Variants in VWF observed in about 807,000 individuals in gnomAD.
The protein encoded by VWF is von Willebrand factor, also known as Factor VIII related antigen.
Under a neutral mutation model 308.6 loss-of-function variants are expected in VWF, and 176 were observed. That is an observed-to-expected ratio of 0.57 (90% CI 0.50 to 0.65). VWF has a LOEUF of 0.65. Ranked by LOEUF, VWF falls within the 30% of genes least tolerant of loss-of-function variation. The pLI is 0.00. For synonymous variants in VWF, 1,385 were observed against 1,443.4 expected (o/e 0.96, Z 0.92); for missense variants, 3,146 against 3,648.2 (o/e 0.86, Z 3.55).
At chr12:6,096,925 T>G (rs1945110845) in intron 5 of VWF, among the ~76,000 whole-genome samples, 1 of 152,070 alleles carries the variant, frequency 6.6e-6, no homozygotes, top group Non-Finnish European at 1.5e-5. Context: ...GGAAGGAAAA[T>G]ATAAATGAGA....
At chr12:6,069,927 G>A (rs1248879403) in intron 10 of VWF, among the ~76,000 whole-genome samples, 1 of 152,132 alleles carries the variant, frequency 6.6e-6, no homozygotes, top group Non-Finnish European at 1.5e-5. Context: ...GATGATGGAC[G>A]GAAGATTCAC....
intron 18 of VWF, among the ~76,000 whole-genome samples, chr12:6,039,856 C>T (rs1260165011): frequency 1.3e-5 from 2 of 152,098 alleles, no homozygotes; most frequent in Non-Finnish European, 2.9e-5. Context: ...AGGGACATAA[C>T]CACACTTCTC....
chr12:6,021,645 A>G, intron 27 of VWF: 1 of 473,802 alleles, frequency 2.1e-6, no homozygotes, highest in Non-Finnish European at 3.7e-6. Flanking sequence ...AAAACCTATT[A>G]AGAGCAAAAA....
rs1945467638 is a variant in VWF, at chr12:6,124,605, G to A, written c.-185C>T. 1.3e-5 allele frequency: 2 copies of A among 152,364 alleles called. No homozygotes were observed. Among genetic ancestry groups the A allele is most frequent in the African/African-American group, 2.4e-5 (1 of 41,474 alleles). The allele number at this position is 152,364 out of a possible 1,614,324, so 9.4% of individuals were successfully genotyped here. Reference sequence around the variant, plus strand: ...GGCTGTGGAGTCCCCACTGCTGGGGGAGATAAAGCCCAAGCTGTGACATCC... The same window carrying A: ...GGCTGTGGAGTCCCCACTGCTGGGGAAGATAAAGCCCAAGCTGTGACATCC... On this transcript the variant is annotated 5_prime_UTR_variant, in exon 1 of 52. Transcript: ENST00000261405.
rs1216187051 is a variant in VWF, at chr12:6,074,486, C to A, written c.875-745G>T. 7.4e-5 allele frequency among the ~76,000 whole-genome samples: 8 copies of A among 108,304 alleles called. No homozygotes were observed. The East Asian group carries it at 1.2e-3, about 16-fold the overall frequency. 71.1% of individuals were successfully genotyped at this position (108,304 alleles called of 152,430 possible). ...TCTCCCCTACCCTACATTCACAGAC[C>A]TAAAAAAAAAAAAAAAAAAAAAAAC... On this transcript the variant is annotated intron_variant, in intron 7 of 51. Transcript: ENST00000261405.
chr12:5,950,889 T>C (rs1943183069), intron 50 of VWF, among the ~76,000 whole-genome samples: 1 of 152,164 alleles, frequency 6.6e-6, no homozygotes, highest in African/African-American at 2.4e-5. Flanking sequence ...TTCACATTCT[T>C]AAACCATTCA....
intron 45 of VWF, 147 bp from the exon 46 acceptor site, chr12:5,968,314 C>T (rs922978145): frequency 1.8e-5 from 16 of 903,206 alleles, no homozygotes; most frequent in Middle Eastern, 6.4e-4. Flanking sequence ...CACAACCCAG[C>T]GCTGGGGGTC....
chr12:6,082,410 AT>A (rs1183931767), intron 6 of VWF, among the ~76,000 whole-genome samples: 4 of 152,172 alleles, frequency 2.6e-5, no homozygotes, highest in Non-Finnish European at 5.9e-5. Context: ...GTCCTTCATT[AT>A]TTTTTAAGAG....
At chr12:6,118,544 G>A (rs1429112324) in intron 3 of VWF, among the ~76,000 whole-genome samples, 1 of 151,700 alleles carries the variant, frequency 6.6e-6, no homozygotes, top group Non-Finnish European at 1.5e-5. Context: ...CCACCACAAC[G>A]CCTGGCTAAT....
intron 15 of VWF, among the ~76,000 whole-genome samples, chr12:6,053,077 G>T (rs574635377): frequency 2.6e-5 from 4 of 152,178 alleles, no homozygotes; most frequent in Admixed American, 6.5e-5. Flanking sequence ...TAATTATGGG[G>T]GCACACATTT....
Position 6,056,857 on chromosome 12 carries a change from C to G in VWF, c.1945G>C (p.Glu649Gln). Residue 649 changes from glutamate to glutamine, a missense_variant and splice_region_variant, in exon 15 of 52, where the codon GAG (glutamate) becomes CAG (glutamine). This residue lies in a region of VWF where 1,304 missense variants were observed against 1,353.0 expected (regional missense o/e 0.96). Coordinates refer to ENST00000261405, the MANE Select transcript of VWF (RefSeq NM_000552.5). ...GGCTGCGGGCAGGGAGGGCACGCAC[C>G]ACAGCGGCCTGGCTCGCGCCACGCG... is the stretch of plus-strand genomic sequence containing the variant. ...RVAWREPGRC[E>Q]LNCPKGQVYL... 1 of 1,427,344 alleles carries G rather than the reference C, an allele frequency of 7.0e-7. No homozygotes were observed. Among genetic ancestry groups the G allele is most frequent in the Non-Finnish European group, 9.1e-7 (1 of 1,101,102 alleles). The allele number at this position is 1,427,344 out of a possible 1,614,324, so 88.4% of individuals were successfully genotyped here.
chr12:6,046,620 A>G lies in VWF; in HGVS notation c.2281+103T>C. ...CGAAGCCAGACCCATGCCTGGGTGC[A>G]CACGCACATCTGACGGTGTCACCCA... On this transcript the variant is annotated intron_variant, in intron 17 of 51. Coordinates refer to ENST00000261405, the MANE Select transcript of VWF (RefSeq NM_000552.5). The surrounding 1 kb of genome is among the most constrained non-coding windows in gnomAD (Gnocchi z 5.0). 1 of 1,164,664 alleles carries G rather than the reference A, an allele frequency of 8.6e-7. No homozygotes were observed. The highest frequency in any genetic ancestry group is 1.3e-6 in the Non-Finnish European group (1 of 776,532). The allele number at this position is 1,164,664 out of a possible 1,614,324, so 72.1% of individuals were successfully genotyped here. A position where few individuals can be genotyped will look rare whatever the true frequency, so the allele number is the denominator to read the frequency against.
At chr12:6,110,236 A>G in intron 5 of VWF, 138 bp downstream of exon 5, 1 of 932,192 alleles carries the variant, frequency 1.1e-6, no homozygotes, top group Non-Finnish European at 1.8e-6. Flanking sequence ...ATGCAAAGAG[A>G]TAAGGTTGGC....
In VWF at chr12:5,995,966, T is replaced by C. The variant is rs377243393; in HGVS notation, c.6063+36A>G. 63 of 1,601,926 alleles carry C rather than the reference T, an allele frequency of 3.9e-5. No homozygotes were observed. The African/African-American group carries it at 6.9e-4, about 18-fold the overall frequency. On this transcript the variant is annotated intron_variant, in intron 35 of 51. Coordinates refer to ENST00000261405, the MANE Select transcript of VWF (RefSeq NM_000552.5). The stretch of plus-strand genomic sequence containing the variant: ...TCCAGGTGGTTTTCCTGACATTCTA[T>C]TGCCTTACCACGGATCCACAGAAAG...
At chr12:5,976,071 T>C (rs1044107247) in intron 43 of VWF, 40 bp downstream of exon 43, 2 of 1,610,882 alleles carry the variant, frequency 1.2e-6, no homozygotes, top group African/African-American at 2.7e-5. Flanking sequence ...ACTTTCCCGC[T>C]CTGATAGCTG....
chr12:6,021,090 C>T (rs1383783328), intron 27 of VWF: 1 of 152,264 alleles, frequency 6.6e-6, no homozygotes, highest in Non-Finnish European at 1.5e-5. Flanking sequence ...GAGTGACATA[C>T]TTTCTAGTTT....
Position 5,967,621 on chromosome 12 carries a change from G to A in VWF, c.7771-19C>T, listed in dbSNP as rs1200184758. 6.2e-7 allele frequency: 1 copy of A among 1,609,870 alleles called. No individual in the cohort carries two copies. The highest frequency in any genetic ancestry group is 1.3e-5 in the African/African-American group (1 of 74,986). ...TCCCGGGCTGGAAGCAGAGGCACCA[G>A]GGTCAGGCCCCCCAGCATCCCCCAA... is the stretch of plus-strand genomic sequence containing the variant. On this transcript the variant is annotated intron_variant, in intron 46 of 51. Coordinates refer to ENST00000261405, the MANE Select transcript of VWF (RefSeq NM_000552.5).
chr12:6,114,360 G>T (rs1008735100), intron 3 of VWF, among the ~76,000 whole-genome samples: 2 of 152,216 alleles, frequency 1.3e-5, no homozygotes, highest in Non-Finnish European at 2.9e-5. Context: ...CGTTCCACAG[G>T]AGGCAGAGCT....
At chr12:6,098,497 A>T (rs1196165698) in intron 5 of VWF, among the ~76,000 whole-genome samples, 1 of 152,192 alleles carries the variant, frequency 6.6e-6, no homozygotes, top group African/African-American at 2.4e-5. Flanking sequence ...TCAAAAGACA[A>T]GCCTGGCGCA....
Sources: allele counts gnomAD v4.1 joint callset (sites outside exome capture counted in the v4.1 genomes callset), GRCh38; gene constraint gnomAD v4.1.1; regional missense constraint gnomAD v4.1.1; non-coding constraint Gnocchi (gnomAD v3.1); transcripts MANE v1.5; gene names NCBI Gene and HGNC (gene_info 2026-07-23, HGNC 2026-07-21).